The following GABBR2 variants were observed in gnomAD, a reference collection of about 807,000 sequenced individuals.
GABBR2 encodes gamma-aminobutyric acid type B receptor subunit 2, also known as G-protein coupled receptor 51.
GABBR2 carries 23 observed loss-of-function variants against 105.6 expected under a neutral mutation model. That is an observed-to-expected ratio of 0.22 (90% CI 0.16 to 0.31). The LOEUF is 0.31. GABBR2 is among the 10% of genes least tolerant of loss of function. The pLI is 1.00. For missense variants in GABBR2, 734 were observed against 1,245.5 expected (o/e 0.59, Z 6.18); for synonymous variants, 478 against 499.7 (o/e 0.96, Z 0.58).
Position 98,496,405 on chromosome 9 carries a change from A to G in GABBR2, c.732+8T>C. ...TCTGCCATTCACCCTGTGGCTAGCC[A>G]CACCTACCTTCAGCTTTTTGACACT... On this transcript the variant is annotated splice_region_variant and intron_variant, in intron 4 of 18. Transcript: ENST00000259455. 2 of 1,570,948 alleles carry G rather than the reference A, an allele frequency of 1.3e-6. No homozygotes were observed. The highest frequency in any genetic ancestry group is 1.8e-6 in the Non-Finnish European group (2 of 1,140,912).
chr9:98,497,205 T>C (rs1827298255), intron 3 of GABBR2, among the ~76,000 whole-genome samples: 4 of 152,194 alleles, frequency 2.6e-5, no homozygotes, highest in Admixed American at 2.6e-4. Flanking sequence ...AGTTCAAGAC[T>C]GCAGTGAGCC....
chr9:98,595,759 G>A (rs571384542), intron 1 of GABBR2, among the ~76,000 whole-genome samples: 226 of 152,174 alleles, frequency 1.5e-3, no homozygotes, highest in African/African-American at 5.3e-3. Context: ...GCCAATTCCT[G>A]GATAGACAGG....
intron 3 of GABBR2, among the ~76,000 whole-genome samples, chr9:98,514,052 C>T (rs138985018): frequency 0.018 from 2,640 of 150,548 alleles, 78 homozygotes; most frequent in African/African-American, 0.059. Flanking sequence ...GGCACATATA[C>T]ACCATGGAAT....
intron 9 of GABBR2, among the ~76,000 whole-genome samples, chr9:98,390,656 C>A (rs1832163885): frequency 6.6e-6 from 1 of 151,934 alleles, no homozygotes. Context: ...CTGGAAGCTT[C>A]TTCCACCTCT....
intron 1 of GABBR2, among the ~76,000 whole-genome samples, chr9:98,591,758 G>A (rs1829148772): frequency 6.6e-6 from 1 of 152,194 alleles, no homozygotes; most frequent in African/African-American, 2.4e-5. Flanking sequence ...TGATGGGAGA[G>A]ACTGATGAGG....
chr9:98,706,120 AAAAAAAG>A lies in GABBR2; in HGVS notation c.321+2290_321+2296del, dbSNP rs1333909702. On this transcript the variant is annotated intron_variant, in intron 1 of 18. Coordinates refer to ENST00000259455, the MANE Select transcript of GABBR2 (RefSeq NM_005458.8). ...CAAAACAAAAAAAACAAAAAAAAAAAAAAAAAGAAGGAGGAGGAGGAGGGGAGGCAGC... is the reference window on the plus strand; with the variant it reads ...CAAAACAAAAAAAACAAAAAAAAAAAAAGGAGGAGGAGGAGGGGAGGCAGC... 2.7e-5 allele frequency among the ~76,000 whole-genome samples: 4 copies of A among 150,500 alleles called. No individual in the cohort carries two copies. The East Asian group carries it at 7.8e-4, about 29-fold the overall frequency.
intron 1 of GABBR2, among the ~76,000 whole-genome samples, chr9:98,691,528 G>T (rs142638761): frequency 6.6e-6 from 1 of 152,196 alleles, no homozygotes; most frequent in East Asian, 1.9e-4. Context: ...ACTCTTTGCC[G>T]ACAGCAAGGC....
chr9:98,426,635 G>T (rs1200193971), intron 7 of GABBR2, among the ~76,000 whole-genome samples: 1 of 152,168 alleles, frequency 6.6e-6, no homozygotes, highest in Non-Finnish European at 1.5e-5. Flanking sequence ...CAAGGGAGTT[G>T]GGGGACTATT....
At chr9:98,593,740 C>T (rs1243355317) in intron 1 of GABBR2, among the ~76,000 whole-genome samples, 1 of 152,170 alleles carries the variant, frequency 6.6e-6, no homozygotes, top group Non-Finnish European at 1.5e-5. Flanking sequence ...GTGCAAACAC[C>T]CACTGGCCGC....
intron 1 of GABBR2, among the ~76,000 whole-genome samples, chr9:98,622,573 C>A (rs1287463700): frequency 1.3e-5 from 2 of 152,206 alleles, no homozygotes; most frequent in Admixed American, 1.3e-4. Context: ...AAGACCCACA[C>A]CTGTCCTCAG....
At chr9:98,585,262 C>T (rs955733527) in intron 1 of GABBR2, among the ~76,000 whole-genome samples, 3 of 151,906 alleles carry the variant, frequency 2.0e-5, no homozygotes, top group Non-Finnish European at 2.9e-5. Context: ...CAACGATAGA[C>T]TGGATTAAGA....
In GABBR2 at chr9:98,364,146, G is replaced by A. The variant is rs566754455; in HGVS notation, c.1771-1309C>T. ...CAAAACCGCTGTACCTGGGGGCAGG[G>A]CACCGGCAAAGCCCGCTCTGAGATT... On this transcript the variant is annotated intron_variant, in intron 12 of 18. Coordinates refer to ENST00000259455, the MANE Select transcript of GABBR2 (RefSeq NM_005458.8). Among the ~76,000 whole-genome samples, 3 of 152,312 alleles carry A rather than the reference G, an allele frequency of 2.0e-5. No homozygotes were observed. In the East Asian group the frequency reaches 5.8e-4, roughly 29 times the overall value.
intron 7 of GABBR2, among the ~76,000 whole-genome samples, chr9:98,407,081 C>T (rs1832503730): frequency 6.6e-6 from 1 of 152,206 alleles, no homozygotes; most frequent in South Asian, 2.1e-4. Flanking sequence ...AATGTCCATG[C>T]TACTTCACTG....
In GABBR2 at chr9:98,490,571, G is replaced by A. The variant is rs971306370; in HGVS notation, c.732+5842C>T. Reference sequence around the variant, plus strand: ...AAAATATTTGGTCTCCAGAGCACCCGGATTGAACTGAGGCAACTGCCCCTC... The same window carrying A: ...AAAATATTTGGTCTCCAGAGCACCCAGATTGAACTGAGGCAACTGCCCCTC... On this transcript the variant is annotated intron_variant, in intron 4 of 18. Coordinates refer to ENST00000259455, the MANE Select transcript of GABBR2 (RefSeq NM_005458.8). Among the ~76,000 whole-genome samples, 6 of 152,324 alleles carry A rather than the reference G, an allele frequency of 3.9e-5. No individual in the cohort carries two copies. The South Asian group carries it at 6.2e-4, about 16-fold the overall frequency.
intron 1 of GABBR2, among the ~76,000 whole-genome samples, chr9:98,680,430 C>G (rs544445293): frequency 3.3e-5 from 5 of 152,090 alleles, no homozygotes; most frequent in African/African-American, 1.2e-4. Flanking sequence ...CTCAGCCTCA[C>G]GAGTAGCTGG....
intron 1 of GABBR2, among the ~76,000 whole-genome samples, chr9:98,629,890 C>T (rs964544532): frequency 2.0e-5 from 3 of 152,222 alleles, no homozygotes; most frequent in African/African-American, 4.8e-5. Flanking sequence ...AATACTGCAC[C>T]GGTATTAAGA....
intron 3 of GABBR2, among the ~76,000 whole-genome samples, chr9:98,508,870 A>G (rs1327006768): frequency 6.6e-6 from 1 of 152,178 alleles, no homozygotes; most frequent in East Asian, 1.9e-4. Context: ...AAAAGACAGC[A>G]GTAACCTCTG....
At chr9:98,381,918 TC>T (rs1203502099) in intron 11 of GABBR2, among the ~76,000 whole-genome samples, 2 of 152,158 alleles carry the variant, frequency 1.3e-5, no homozygotes, top group Non-Finnish European at 2.9e-5. Context: ...GTGGGGGATG[TC>T]CCTGTTTTTG....
At chr9:98,417,536 T>C (rs979744425) in intron 7 of GABBR2, among the ~76,000 whole-genome samples, 1 of 152,162 alleles carries the variant, frequency 6.6e-6, no homozygotes, top group African/African-American at 2.4e-5. Flanking sequence ...CCCAACTCCA[T>C]GTGTATTCAT....
Sources: gnomAD v4.1 joint callset for allele counts (sites outside exome capture counted in the v4.1 genomes callset) on GRCh38, gnomAD v4.1.1 for gene constraint, MANE v1.5 for transcripts, NCBI Gene and HGNC (gene_info 2026-07-23, HGNC 2026-07-21) for gene names.